Variants in FAM50A observed in about 807,000 individuals in gnomAD.
The protein encoded by FAM50A is protein FAM50A.
FAM50A carries 6 observed loss-of-function variants against 35.5 expected under a neutral mutation model. The ratio of observed to expected loss-of-function variants is 0.17; its 90% CI spans 0.09 to 0.33. FAM50A has a LOEUF of 0.33. FAM50A is among the 10% of genes least tolerant of loss of function. The probability of loss-of-function intolerance (pLI) is 1.00; values close to 1 mark genes in which losing one functional copy is unlikely to be tolerated. For synonymous variants in FAM50A, 120 were observed against 110.9 expected, an observed-to-expected ratio of 1.08 and a Z score of -0.52; for missense variants, 145 against 295.5, an observed-to-expected ratio of 0.49 and a Z score of 3.73.
intron 12 of FAM50A, 39 bp from the exon 13 acceptor site, chrX:154,450,385 C>A: frequency 8.3e-7 from 1 of 1,211,022 alleles, no homozygotes; most frequent in Non-Finnish European, 1.1e-6. Flanking sequence ...TCACCCCTCG[C>A]CTTCCTTGTC....
chrX:154,449,416 C>G (rs2068795562), intron 8 of FAM50A, 119 bp downstream of exon 8: 3 of 600,412 alleles, frequency 5.0e-6, no homozygotes, highest in Non-Finnish European at 8.4e-6. Context: ...GCTGGGCACT[C>G]TCCTCCCAAA....
chrX:154,450,014 A>G lies in FAM50A; in HGVS notation c.830-15A>G. 3 of 1,210,294 alleles carry G rather than the reference A, an allele frequency of 2.5e-6. No individual in the cohort carries two copies. Among genetic ancestry groups the G allele is most frequent in the Non-Finnish European group, 3.4e-6 (3 of 894,380 alleles). On this transcript the variant is annotated splice_polypyrimidine_tract_variant and intron_variant, in intron 10 of 12. Coordinates refer to ENST00000393600, the MANE Select transcript of FAM50A (RefSeq NM_004699.4). ...GGCAGCAGCGGGACATTGGGCTGTC[A>G]CTTCTCCCCTGCAGGACCACTCTTC...
chrX:154,446,543 A>G lies in FAM50A; in HGVS notation c.425A>G (p.Glu142Gly). ...GAAGAGGAGGCGGCCATGTATGAGG[A>G]GGAGATGGAAAGGGAAGGTGAGGGC... is the stretch of plus-strand genomic sequence containing the variant. ...EEEEEAAMYE[E>G]EMEREEITTK... is the part of the protein sequence containing the mutation. Residue 142 changes from glutamate (E) to glycine (G), a missense_variant, in exon 4 of 13, where the codon GAG (glutamate) becomes GGG (glycine). By Grantham distance (98) the Glu-to-Gly change is moderately conservative (BLOSUM62 -2). Transcript: ENST00000393600. The G allele has an allele frequency of 8.5e-7, 1 of 1,173,861 alleles. No homozygotes were observed. The highest frequency in any genetic ancestry group is 1.1e-6 in the Non-Finnish European group (1 of 873,510).
At position 154,448,964 on chromosome X, in the gene FAM50A, G is replaced by A. The variant is rs1557200160; in HGVS notation, c.648+10G>A. 1.4e-5 allele frequency: 17 copies of A among 1,197,304 alleles called. No homozygotes were observed. The highest frequency in any genetic ancestry group is 1.8e-5 in the Non-Finnish European group (16 of 883,398). On this transcript the variant is annotated intron_variant, in intron 7 of 12. Coordinates refer to ENST00000393600, the MANE Select transcript of FAM50A (RefSeq NM_004699.4). ...CCGGCGGACAGTCAAGGTAGGCAGC[G>A]TGCAGCCTGCTTCCTGCTCACCATG... is the stretch of plus-strand genomic sequence containing the variant.
At position 154,444,162 on chromosome X, in the gene FAM50A, C is replaced by CGCCGCT. The variant is rs1238847123; in HGVS notation, c.-60_-55dup. Reference sequence around the variant, plus strand: ...CGTCAGCTGACTGTTCGGCCGCCACCGCCGCTGCCGCTGCCGCTGTCGCTG... The same window carrying CGCCGCT: ...CGTCAGCTGACTGTTCGGCCGCCACCGCCGCTGCCGCTGCCGCTGCCGCTGTCGCTG... On this transcript the variant is annotated 5_prime_UTR_variant, in exon 1 of 13. Coordinates refer to ENST00000393600, the MANE Select transcript of FAM50A (RefSeq NM_004699.4). 271 of 320,993 alleles carry CGCCGCT rather than the reference C, an allele frequency of 8.4e-4. No individual in the cohort carries two copies. Among genetic ancestry groups the CGCCGCT allele is most frequent in the East Asian group, 2.7e-3 (13 of 4,819 alleles). The allele number at this position is 320,993 out of a possible 1,213,427, so 26.5% of individuals were successfully genotyped here. A position where few individuals can be genotyped will look rare whatever the true frequency, so the allele number is the denominator to read the frequency against.
chrX:154,446,276 A>G, intron 3 of FAM50A, 139 bp from the exon 4 acceptor site: 1 of 544,358 alleles, frequency 1.8e-6, no homozygotes, highest in Non-Finnish European at 3.2e-6. Flanking sequence ...GGACAGCAGG[A>G]CCCGTCTGGG....
At position 154,450,326 on chromosome X, in the gene FAM50A, A is replaced by G; in HGVS notation, c.1011+7A>G. On this transcript the variant is annotated splice_region_variant and intron_variant, in intron 12 of 12. Transcript: ENST00000393600. ...GAAGTGGGACAAGTACACGGTGAGG[A>G]GGGGCTGGCAGGGACCCCTCCAAGT... 1 of 1,203,814 alleles carries G rather than the reference A, an allele frequency of 8.3e-7. No homozygotes were observed. The highest frequency in any genetic ancestry group is 3.0e-5 in the East Asian group (1 of 33,781).
In FAM50A at chrX:154,446,527, G is replaced by C. The variant is rs1557199845; in HGVS notation, c.409G>C (p.Ala137Pro). 3 of 1,189,097 alleles carry C rather than the reference G, an allele frequency of 2.5e-6. No homozygotes were observed. The Admixed American group carries it at 6.8e-5, about 27-fold the overall frequency. The stretch of plus-strand genomic sequence containing the variant: ...AGAGGGAGGCGAGGAGGAAGAGGAG[G>C]CGGCCATGTATGAGGAGGAGATGGA... ...EEEGGEEEEE[A>P]AMYEEEMERE... Residue 137 changes from alanine (A) to proline (P), a missense_variant, in exon 4 of 13, where the codon GCG becomes CCG. This residue lies in a region of FAM50A where 32 missense variants were observed against 22.9 expected (regional missense o/e 1.40). Coordinates refer to ENST00000393600, the MANE Select transcript of FAM50A (RefSeq NM_004699.4).
Position 154,444,182 on chromosome X carries a change from TCGCTGTCGCCGCCGCCGCCGCCCGC to T in FAM50A, c.-50_-26del. The T allele has an allele frequency of 2.2e-6, 1 of 446,289 alleles. No homozygotes were observed. 36.8% of individuals were successfully genotyped at this position (446,289 alleles called of 1,213,427 possible). ...GCCACCGCCGCTGCCGCTGCCGCTG[TCGCTGTCGCCGCCGCCGCCGCCCGC>T]CGCCGCCGCCGCCGCCGCCGCCGCT... On this transcript the variant is annotated 5_prime_UTR_variant, in exon 1 of 13. Transcript: ENST00000393600.
At chrX:154,446,593 C>T in intron 4 of FAM50A, 33 bp downstream of exon 4, 2 of 1,120,833 alleles carry the variant, frequency 1.8e-6, no homozygotes, top group Non-Finnish European at 2.4e-6. Context: ...GCCCCGCCCG[C>T]AGCCCCTGGG....
At chrX:154,449,589 C>A in intron 8 of FAM50A, 92 bp from the exon 9 acceptor site, 9 of 813,773 alleles carry the variant, frequency 1.1e-5, no homozygotes, top group Non-Finnish European at 1.6e-5. Flanking sequence ...GCTTCCCAGC[C>A]CCAGCATGGG....
intron 3 of FAM50A, 76 bp downstream of exon 3, chrX:154,445,987 AC>A (rs2068781017): frequency 1.3e-6 from 1 of 765,488 alleles, no homozygotes; most frequent in Non-Finnish European, 2.0e-6. Context: ...CTCTTTTTGC[AC>A]CCTGGGGGGG....
intron 4 of FAM50A, among the ~76,000 whole-genome samples, chrX:154,447,325 C>G (rs2068786185): frequency 9.0e-6 from 1 of 111,496 alleles, no homozygotes; most frequent in African/African-American, 3.3e-5. Flanking sequence ...AATTGTGTCA[C>G]CCAGGGAATG....
At position 154,448,719 on chromosome X, in the gene FAM50A, G is replaced by C; in HGVS notation, c.549G>C (p.Leu183=). 1 of 1,210,374 alleles carries C rather than the reference G, an allele frequency of 8.3e-7. No homozygotes were observed. The highest frequency in any genetic ancestry group is 1.1e-6 in the Non-Finnish European group (1 of 895,078). The part of the protein sequence containing the change: ...EEEENRLREE[L]RQEWEAKQEK... ...AGGAGAATCGGCTTCGGGAAGAGCT[G>C]CGGCAGGAGTGGGAAGCCAAGCAGG... The change falls in exon 6 of 13, where the codon CTG becomes CTC. Residue 183 remains leucine (L), a synonymous_variant. Coordinates refer to ENST00000393600, the MANE Select transcript of FAM50A (RefSeq NM_004699.4).
At chrX:154,449,594 C>T in intron 8 of FAM50A, 87 bp from the exon 9 acceptor site, 1 of 832,903 alleles carries the variant, frequency 1.2e-6, no homozygotes, top group Non-Finnish European at 1.8e-6. Flanking sequence ...CCAGCCCCAG[C>T]ATGGGCTCTC....
chrX:154,445,199 G>A (rs782066161), intron 1 of FAM50A, among the ~76,000 whole-genome samples: 3 of 111,819 alleles, frequency 2.7e-5, no homozygotes, highest in Non-Finnish European at 5.7e-5. Flanking sequence ...TGGGGCTGGG[G>A]CCAAAGAGAG....
chrX:154,447,508 G>C (rs2068786755), intron 4 of FAM50A, among the ~76,000 whole-genome samples: 1 of 112,180 alleles, frequency 8.9e-6, no homozygotes, highest in Non-Finnish European at 1.9e-5. Flanking sequence ...GAAACAAGCA[G>C]GATTTTAGTA....
intron 4 of FAM50A, 137 bp downstream of exon 4, chrX:154,446,697 C>A: frequency 1.1e-6 from 1 of 905,611 alleles, no homozygotes; most frequent in Non-Finnish European, 1.5e-6. Context: ...GCACAGTAGA[C>A]CGGGGAGGGA....
In FAM50A at chrX:154,449,682, T is replaced by C; in HGVS notation, c.727T>C (p.Ser243Pro). Residue 243 changes from serine (S) to proline (P), a missense_variant and splice_region_variant, in exon 9 of 13, where the codon TCC (serine) becomes CCC (proline). Transcript: ENST00000393600. ...CGCCCTCCTGCCTTCCTCCCTCAGG[T>C]CCGCAGGGGTGGAGCAGCTCATGTA... ...ILRKDFSELR[S>P]AGVEQLMYIK... 1 of 1,209,480 alleles carries C rather than the reference T, an allele frequency of 8.3e-7. No individual in the cohort carries two copies. The highest frequency in any genetic ancestry group is 1.1e-6 in the Non-Finnish European group (1 of 893,718).
Sources: allele counts gnomAD v4.1 joint callset (sites outside exome capture counted in the v4.1 genomes callset), GRCh38; gene constraint gnomAD v4.1.1; regional missense constraint gnomAD v4.1.1; transcripts MANE v1.5; gene names NCBI Gene and HGNC (gene_info 2026-07-23, HGNC 2026-07-21).